SGCZ: variants seen among roughly 807,000 people sequenced by gnomAD.
SGCZ encodes sarcoglycan zeta.
In SGCZ, 40 loss-of-function variants were observed where a neutral mutation model predicts 41.3. The observed-to-expected ratio is 0.97, with a 90% CI of 0.75 to 1.26. SGCZ has a LOEUF of 1.26. Among genes scored for constraint, SGCZ ranks in the 50% most tolerant of loss-of-function variants. The pLI, the probability that SGCZ is intolerant of heterozygous loss-of-function variation, is 0.00. For missense variants in SGCZ, 552 were observed against 369.8 expected (o/e 1.49, Z -4.04); for synonymous variants, 206 against 137.5 (o/e 1.50, Z -3.49).
chr8:14,630,302 G>T (rs566912880), intron 1 of SGCZ, among the ~76,000 whole-genome samples: 83 of 151,766 alleles, frequency 5.5e-4, no homozygotes, highest in African/African-American at 1.9e-3. Flanking sequence ...AAAAATGCTT[G>T]CCTCTAGTGG....
chr8:14,493,436 G>A (rs1251511445), intron 2 of SGCZ, among the ~76,000 whole-genome samples: 4 of 128,926 alleles, frequency 3.1e-5, no homozygotes, highest in Non-Finnish European at 4.7e-5. Flanking sequence ...GCATGATCTC[G>A]GCTCACAGCA....
At chr8:15,171,418 T>G (rs1799826617) in intron 1 of SGCZ, among the ~76,000 whole-genome samples, 1 of 152,190 alleles carries the variant, frequency 6.6e-6, no homozygotes, top group Admixed American at 6.5e-5. Flanking sequence ...TATTTAATTT[T>G]ATCAGGCACA....
At chr8:14,271,310 T>C (rs972193388) in intron 3 of SGCZ, among the ~76,000 whole-genome samples, 34 of 152,218 alleles carry the variant, frequency 2.2e-4, no homozygotes, top group African/African-American at 8.2e-4. Flanking sequence ...CTATTATCTA[T>C]AATTCAGCCT....
At chr8:15,228,604 G>T (rs561310969) in intron 1 of SGCZ, among the ~76,000 whole-genome samples, 22 of 152,198 alleles carry the variant, frequency 1.4e-4, no homozygotes, top group African/African-American at 5.1e-4. Context: ...CTAGACCAAA[G>T]TAACAGACAA....
chr8:14,913,092 AT>A (rs1215207619), intron 1 of SGCZ, among the ~76,000 whole-genome samples: 2 of 152,082 alleles, frequency 1.3e-5, no homozygotes, highest in Non-Finnish European at 2.9e-5. Context: ...AAAGAAAAAA[AT>A]TTAAAAAGGT....
intron 5 of SGCZ, among the ~76,000 whole-genome samples, chr8:14,113,377 T>C (rs1802430973): frequency 6.6e-6 from 1 of 152,120 alleles, no homozygotes; most frequent in East Asian, 1.9e-4. Flanking sequence ...ACCATATCTA[T>C]TCTTACATTT....
Position 14,386,726 on chromosome 8 carries a change from C to A in SGCZ, c.235-62522G>T, listed in dbSNP as rs143015928. The stretch of plus-strand genomic sequence containing the variant: ...TGCCAGAAGTTCATATTTCAAAAAT[C>A]TTAATTACAAATCTTAAAAACCAAG... On this transcript the variant is annotated intron_variant, in intron 2 of 7. Transcript: ENST00000382080. 6.8e-3 allele frequency among the ~76,000 whole-genome samples: 1,029 copies of A among 152,174 alleles called. 15 individuals carry two copies. Among genetic ancestry groups the A allele is most frequent in the African/African-American group, 0.024 (981 of 41,516 alleles).
chr8:14,818,830 G>A (rs189067402), intron 1 of SGCZ, among the ~76,000 whole-genome samples: 53 of 152,068 alleles, frequency 3.5e-4, no homozygotes, highest in African/African-American at 1.3e-3. Flanking sequence ...GCAGAAGATA[G>A]AATTTCTGAT....
Position 14,975,893 on chromosome 8 carries a change from CACAT to C in SGCZ, c.39+261688_39+261691del, listed in dbSNP as rs1412112025. Among the ~76,000 whole-genome samples, 661 of 147,140 alleles carry C rather than the reference CACAT, an allele frequency of 4.5e-3. 3 individuals are homozygous for C. Among genetic ancestry groups the C allele is most frequent in the African/African-American group, 0.015 (617 of 39,882 alleles). ...AATTTTACACACACACACACACACA[CACAT>C]ATATATACACACACATATCTAAACA... On this transcript the variant is annotated intron_variant, in intron 1 of 7. Coordinates refer to ENST00000382080, the MANE Select transcript of SGCZ (RefSeq NM_139167.4).
chr8:14,615,611 C>G (rs962853720), intron 1 of SGCZ, among the ~76,000 whole-genome samples: 2 of 152,148 alleles, frequency 1.3e-5, no homozygotes, highest in Non-Finnish European at 2.9e-5. Context: ...AGATTTTAAA[C>G]ATCACCCCGG....
At chr8:14,244,863 T>A (rs575483671) in intron 3 of SGCZ, among the ~76,000 whole-genome samples, 5 of 152,248 alleles carry the variant, frequency 3.3e-5, no homozygotes, top group South Asian at 2.1e-4. Context: ...CAATTGTGAA[T>A]GGGAGTTGAC....
At chr8:14,214,587 A>T (rs1007925670) in intron 4 of SGCZ, among the ~76,000 whole-genome samples, 1 of 152,178 alleles carries the variant, frequency 6.6e-6, no homozygotes, top group Admixed American at 6.5e-5. Flanking sequence ...ATAGAGGTTA[A>T]CAGAATGGAT....
chr8:15,226,190 C>A (rs913002334), intron 1 of SGCZ, among the ~76,000 whole-genome samples: 1 of 152,186 alleles, frequency 6.6e-6, no homozygotes, highest in East Asian at 1.9e-4. Context: ...TACCTACCTA[C>A]CTCCCTACTT....
intron 1 of SGCZ, among the ~76,000 whole-genome samples, chr8:14,581,179 C>T (rs150906565): frequency 6.6e-6 from 1 of 152,088 alleles, no homozygotes; most frequent in African/African-American, 2.4e-5. Flanking sequence ...GCGATCTCGG[C>T]TCACTTGCAA....
chr8:14,322,114 G>T (rs191745823), intron 3 of SGCZ, among the ~76,000 whole-genome samples: 1 of 152,136 alleles, frequency 6.6e-6, no homozygotes, highest in Non-Finnish European at 1.5e-5. Context: ...GTGGAAGGCA[G>T]TCTGGAGATT....
intron 4 of SGCZ, among the ~76,000 whole-genome samples, chr8:14,232,428 T>G (rs1445734843): frequency 6.6e-6 from 1 of 152,044 alleles, no homozygotes; most frequent in Non-Finnish European, 1.5e-5. Context: ...TAAATACAAA[T>G]ATCACTTTGT....
chr8:14,901,371 A>T (rs1003007956), intron 1 of SGCZ, among the ~76,000 whole-genome samples: 3 of 152,192 alleles, frequency 2.0e-5, no homozygotes, highest in African/African-American at 7.2e-5. Flanking sequence ...GTCACCACAC[A>T]CAAGGTCATT....
chr8:14,818,392 T>C (rs1801970144), intron 1 of SGCZ, among the ~76,000 whole-genome samples: 1 of 152,064 alleles, frequency 6.6e-6, no homozygotes, highest in Admixed American at 6.5e-5. Context: ...CCAAAGAAAC[T>C]GCACAGAGAC....
At chr8:14,502,941 C>G (rs1388003604) in intron 2 of SGCZ, among the ~76,000 whole-genome samples, 1 of 152,144 alleles carries the variant, frequency 6.6e-6, no homozygotes, top group African/African-American at 2.4e-5. Flanking sequence ...AATCTCGTTA[C>G]TGGGTATGTA....
Sources: allele counts gnomAD v4.1 joint callset (sites outside exome capture counted in the v4.1 genomes callset), GRCh38; gene constraint gnomAD v4.1.1; transcripts MANE v1.5; gene names NCBI Gene and HGNC (gene_info 2026-07-23, HGNC 2026-07-21).